Variants in GCN1 observed in about 807,000 individuals in gnomAD.
GCN1 encodes stalled ribosome sensor GCN1.
In GCN1, 90 loss-of-function variants were observed where a neutral mutation model predicts 288.4. That is an observed-to-expected ratio of 0.31 (90% CI 0.26 to 0.37). GCN1 has a LOEUF of 0.37. GCN1 is among the 10% of genes least tolerant of loss of function. The pLI is 1.00. For missense variants in GCN1, 2,586 were observed against 3,419.9 expected (o/e 0.76, Z 6.08); for synonymous variants, 1,386 against 1,420.2 (o/e 0.98, Z 0.54).
chr12:120,150,186 A>C (rs1877494593), intron 34 of GCN1, 143 bp from the exon 35 acceptor site: 3 of 739,856 alleles, frequency 4.1e-6, no homozygotes, highest in African/African-American at 3.6e-5. Flanking sequence ...TAGATGCCCC[A>C]TGAGGAGGCA....
rs772455354 is a variant in GCN1 at position 120,160,001 on chromosome 12, G to C, written c.2573C>G (p.Ala858Gly). ...CAGGATGATGTCCAGCAGTCCAAGC[G>C]CCGCCTCCAGCTCCCCATCCAGCTG... ...LQELDGELEA[A>G]LGLLDIILAK... The change falls in exon 24 of 58, where the codon GCG becomes GGG. Residue 858 changes from alanine to glycine, a missense_variant. Ala to Gly is a moderately conservative substitution (Grantham distance 60, BLOSUM62 0). Around this residue, in one of 8 missense-constraint regions of GCN1, gnomAD observed 913 missense variants for 1,107.0 expected, o/e 0.82. Transcript: ENST00000300648. 1 of 1,613,972 alleles carries C rather than the reference G, an allele frequency of 6.2e-7. No homozygotes were observed. Among genetic ancestry groups the C allele is most frequent in the Admixed American group, 1.7e-5 (1 of 60,004 alleles).
At chr12:120,160,452 C>T (rs561766610) in intron 22 of GCN1, 197 bp from the exon 23 acceptor site, 199 of 583,062 alleles carry the variant, frequency 3.4e-4, no homozygotes, top group Non-Finnish European at 5.2e-4. Context: ...ATGGAGACAG[C>T]AATAGAGAAG....
intron 21 of GCN1, 77 bp downstream of exon 21, chr12:120,161,803 G>A: frequency 7.3e-7 from 1 of 1,371,678 alleles, no homozygotes; most frequent in South Asian, 1.3e-5. Context: ...CTCACAGGAG[G>A]CACTGGCTCC....
In GCN1 at chr12:120,178,606, A is replaced by G; in HGVS notation, c.660+19T>C. ...TCCCCAACATAGCAAACCCACAGTC[A>G]CTCTGCCTTGGCACTTGCCTTGTGC... is the stretch of plus-strand genomic sequence containing the variant. On this transcript the variant is annotated intron_variant, in intron 7 of 57. Coordinates refer to ENST00000300648, the MANE Select transcript of GCN1 (RefSeq NM_006836.2). 6.2e-7 allele frequency: 1 copy of G among 1,613,708 alleles called. No homozygotes were observed. Among genetic ancestry groups the G allele is most frequent in the Non-Finnish European group, 8.5e-7 (1 of 1,179,762 alleles).
At chr12:120,180,452 T>G (rs905939365) in intron 5 of GCN1, among the ~76,000 whole-genome samples, 2 of 147,810 alleles carry the variant, frequency 1.4e-5, no homozygotes, top group African/African-American at 5.0e-5. Context: ...CTGTCGCTAC[T>G]AAAAATACAA....
intron 24 of GCN1, 28 bp downstream of exon 24, chr12:120,159,797 T>A (rs1270397719): frequency 1.9e-6 from 3 of 1,603,918 alleles, no homozygotes; most frequent in Non-Finnish European, 2.6e-6. Flanking sequence ...CCCTGGGCCA[T>A]CCCTGCAGCC....
At chr12:120,174,985 G>C (rs990237535) in intron 12 of GCN1, among the ~76,000 whole-genome samples, 177 bp downstream of exon 12, 5 of 151,308 alleles carry the variant, frequency 3.3e-5, no homozygotes, top group Admixed American at 2.6e-4. Flanking sequence ...AAAATTAGCA[G>C]GCGTGGTGGT....
intron 16 of GCN1, among the ~76,000 whole-genome samples, chr12:120,165,118 C>T (rs985218990): frequency 1.3e-4 from 19 of 151,678 alleles, no homozygotes; most frequent in Non-Finnish European, 2.8e-4. Context: ...GATCTCAGGG[C>T]TTACTGCAAG....
At position 120,155,122 on chromosome 12, in the gene GCN1, C is replaced by T. The variant is rs1051249817; in HGVS notation, c.3631-82G>A. The T allele has an allele frequency of 3.4e-5, 52 of 1,518,404 alleles. No individual in the cohort carries two copies. Among genetic ancestry groups the T allele is most frequent in the Admixed American group, 8.4e-5 (5 of 59,788 alleles). The allele number at this position is 1,518,404 out of a possible 1,614,324, so 94.1% of individuals were successfully genotyped here. On this transcript the variant is annotated intron_variant, in intron 30 of 57. Coordinates refer to ENST00000300648, the MANE Select transcript of GCN1 (RefSeq NM_006836.2). This position sits in a 1 kb window ranked among gnomAD's most constrained non-coding sequence, Gnocchi z 4.9. ...CAGGATTGTGAGGCAGGAAACTAGCCGCAGCTACCCTGAGCCACCGTGAGC... is the reference window on the plus strand; with the variant it reads ...CAGGATTGTGAGGCAGGAAACTAGCTGCAGCTACCCTGAGCCACCGTGAGC...
rs1877097494 is a variant in GCN1, at chr12:120,138,870, C to T, written c.5995-14G>A. ...GAAATACAGCACCTGCAATGGCAAG[C>T]TACAACTGTACCAGATGCAGGAAAG... On this transcript the variant is annotated splice_polypyrimidine_tract_variant and intron_variant, in intron 45 of 57. Coordinates refer to ENST00000300648, the MANE Select transcript of GCN1 (RefSeq NM_006836.2). 6.3e-7 allele frequency: 1 copy of T among 1,599,294 alleles called. No individual in the cohort carries two copies. Among genetic ancestry groups the T allele is most frequent in the Non-Finnish European group, 8.5e-7 (1 of 1,170,120 alleles).
At chr12:120,151,422 G>A in intron 33 of GCN1, 31 bp from the exon 34 acceptor site, 1 of 1,609,738 alleles carries the variant, frequency 6.2e-7, no homozygotes, top group Non-Finnish European at 8.5e-7. Flanking sequence ...CAATGCTGTG[G>A]CTCCGCTGCA....
In GCN1 at chr12:120,160,260, A is replaced by T; in HGVS notation, c.2437-5T>A. The T allele has an allele frequency of 6.2e-7, 1 of 1,603,772 alleles. No individual in the cohort carries two copies. On this transcript the variant is annotated splice_region_variant and splice_polypyrimidine_tract_variant and intron_variant, in intron 22 of 57. Transcript: ENST00000300648. ...GCCTTTCTTCTTCTTTATCTCCTAA[A>T]GAGGATGGGCAAACCAACCAATCCC...
chr12:120,177,622 A>C, intron 8 of GCN1, 62 bp downstream of exon 8: 1 of 1,540,214 alleles, frequency 6.5e-7, no homozygotes, highest in South Asian at 1.1e-5. Context: ...AAAAGAGTTC[A>C]GCATCCCAGA....
chr12:120,167,524 C>G (rs1878172867), intron 16 of GCN1, among the ~76,000 whole-genome samples: 1 of 152,022 alleles, frequency 6.6e-6, no homozygotes, highest in Admixed American at 6.6e-5. Context: ...ATCAAGGCTA[C>G]AGAAGAAGCT....
chr12:120,178,900 C>T lies in GCN1; in HGVS notation c.477G>A (p.Lys159=), dbSNP rs745731160. 1.2e-6 allele frequency: 2 copies of T among 1,614,096 alleles called. No homozygotes were observed. The highest frequency in any genetic ancestry group is 2.2e-5 in the South Asian group (2 of 91,070). The stretch of plus-strand genomic sequence containing the variant: ...TCTTCACAGCACCATCCACGGCGTG[C>T]TTGTGGGAGCCACCCAGCACCTCCA... ...LLLEVLGGSH[K]HAVDGAVKKL... is the part of the protein sequence containing the mutation. The change falls in exon 6 of 58, where the codon AAG becomes AAA. Residue 159 remains lysine (K), a synonymous_variant. Transcript: ENST00000300648.
intron 57 of GCN1, among the ~76,000 whole-genome samples, chr12:120,128,463 G>A (rs1876692337): frequency 6.6e-6 from 1 of 151,958 alleles, no homozygotes; most frequent in Non-Finnish European, 1.5e-5. Context: ...AGCTTCCCGA[G>A]TAGCTGAGAT....
rs184670200 is a variant in GCN1 at position 120,131,538 on chromosome 12, T to C, written c.7415-205A>G. Among the ~76,000 whole-genome samples the C allele has an allele frequency of 3.2e-4, 48 of 152,344 alleles. 1 individual carries two copies. Among genetic ancestry groups the C allele is most frequent in the Admixed American group, 2.6e-3 (40 of 15,304 alleles). On this transcript the variant is annotated intron_variant, in intron 54 of 57. Transcript: ENST00000300648. Reference sequence around the variant, plus strand: ...ATTAAGGAAAGTAAGGAAAGCCTGCTCATGAACCACTCCGGGCTTACAGCT... The same window carrying C: ...ATTAAGGAAAGTAAGGAAAGCCTGCCCATGAACCACTCCGGGCTTACAGCT...
Position 120,145,316 on chromosome 12 carries a change from G to C in GCN1, c.4962C>G (p.Tyr1654Ter). 6.3e-7 allele frequency: 1 copy of C among 1,591,702 alleles called. No homozygotes were observed. Among genetic ancestry groups the C allele is most frequent in the Non-Finnish European group, 8.6e-7 (1 of 1,169,294 alleles). The change falls in exon 39 of 58, where the codon TAC (tyrosine) becomes TAG (stop). Residue 1654 changes from tyrosine (Y) to a stop codon, truncating the protein, a stop_gained. Transcript: ENST00000300648. LOFTEE classifies it high-confidence loss of function. ...TCAGGCCAGGCGTCACGCTGGGCAG[G>C]TACGGAGCCAAGTCCTGCAACAACA... is the stretch of plus-strand genomic sequence containing the variant. ...SLTDQKDLAP[Y>*]LPSVTPGLKA...
At position 120,158,052 on chromosome 12, in the gene GCN1, A is replaced by G; in HGVS notation, c.2906-22T>C. On this transcript the variant is annotated intron_variant, in intron 25 of 57. Coordinates refer to ENST00000300648, the MANE Select transcript of GCN1 (RefSeq NM_006836.2). This position sits in a 1 kb window ranked among gnomAD's most constrained non-coding sequence, Gnocchi z 4.3. ...GCACCTGTGAGAGCGAGAAGCAGAT[A>G]AGATTCTGCAGGCAGGGCAGGGACC... 2 of 1,611,170 alleles carry G rather than the reference A, an allele frequency of 1.2e-6. No homozygotes were observed. Among genetic ancestry groups the G allele is most frequent in the South Asian group, 2.2e-5 (2 of 90,954 alleles).
Sources: gnomAD v4.1 joint callset for allele counts (sites outside exome capture counted in the v4.1 genomes callset) on GRCh38, gnomAD v4.1.1 for gene constraint, gnomAD v4.1.1 regional missense constraint, Gnocchi (gnomAD v3.1) non-coding constraint, MANE v1.5 for transcripts, NCBI Gene and HGNC (gene_info 2026-07-23, HGNC 2026-07-21) for gene names.